GRID2: variants seen among roughly 807,000 people sequenced by gnomAD.
GRID2 encodes glutamate ionotropic receptor delta type subunit 2, also known as glutamate receptor ionotropic, delta-2.
In GRID2, 33 loss-of-function variants were observed where a neutral mutation model predicts 114.8. The observed-to-expected ratio is 0.29, with a 90% CI of 0.22 to 0.38. The LOEUF (loss-of-function observed/expected upper bound fraction) is 0.38, where lower values mean the gene tolerates loss of function less well. Ranked by LOEUF, GRID2 falls within the 10% of genes least tolerant of loss-of-function variation. The pLI is 1.00. For missense variants in GRID2, 1,184 were observed against 1,257.7 expected, an observed-to-expected ratio of 0.94 and a Z score of 0.89; for synonymous variants, 505 against 449.9, an observed-to-expected ratio of 1.12 and a Z score of -1.55.
chr4:92,821,570 A>G (rs1741281783), intron 2 of GRID2, among the ~76,000 whole-genome samples: 1 of 152,146 alleles, frequency 6.6e-6, no homozygotes, highest in Non-Finnish European at 1.5e-5. Flanking sequence ...AGAAATTTAA[A>G]ATAATATTTT....
At position 92,873,732 on chromosome 4, in the gene GRID2, G is replaced by C. The variant is rs972619664; in HGVS notation, c.245-211263G>C. ...TTGTTTGTTTGTTTTGTTTTGTTTT[G>C]AGATGGAATTTCGCTTTTGTTGCCC... On this transcript the variant is annotated intron_variant, in intron 2 of 15. Transcript: ENST00000282020. 2.0e-5 allele frequency among the ~76,000 whole-genome samples: 3 copies of C among 152,056 alleles called. No homozygotes were observed. In the East Asian group the frequency reaches 5.8e-4, roughly 29 times the overall value.
chr4:92,828,286 T>G (rs1741871191), intron 2 of GRID2, among the ~76,000 whole-genome samples: 1 of 152,112 alleles, frequency 6.6e-6, no homozygotes, highest in African/African-American at 2.4e-5. Context: ...GAATTCATAA[T>G]GACTTTATTG....
At chr4:92,677,306 T>TA in intron 2 of GRID2, among the ~76,000 whole-genome samples, 1 of 152,022 alleles carries the variant, frequency 6.6e-6, no homozygotes, top group South Asian at 2.1e-4. Context: ...AAAAAGAGAT[T>TA]AAAAAATAAT....
intron 8 of GRID2, among the ~76,000 whole-genome samples, chr4:93,388,280 T>C (rs1350937803): frequency 6.6e-6 from 1 of 152,166 alleles, no homozygotes; most frequent in African/African-American, 2.4e-5. Context: ...GAAAACTGTA[T>C]ATTCAAAACC....
intron 2 of GRID2, among the ~76,000 whole-genome samples, chr4:92,670,575 A>G (rs1205040036): frequency 6.6e-6 from 1 of 152,104 alleles, no homozygotes; most frequent in Non-Finnish European, 1.5e-5. Flanking sequence ...ATTAATACAT[A>G]TAGAGTAAGA....
At chr4:93,407,859 C>T (rs998440394) in intron 9 of GRID2, among the ~76,000 whole-genome samples, 20 of 150,966 alleles carry the variant, frequency 1.3e-4, no homozygotes, top group Non-Finnish European at 3.0e-4. Context: ...CCTCCTGCTT[C>T]TCCTTCTCCT....
chr4:93,659,472 A>G, intron 14 of GRID2, among the ~76,000 whole-genome samples: 1 of 152,338 alleles, frequency 6.6e-6, no homozygotes, highest in Non-Finnish European at 1.5e-5. Flanking sequence ...TAACTTAAAA[A>G]AATGTGTTAA....
intron 1 of GRID2, among the ~76,000 whole-genome samples, chr4:92,475,883 CTTAG>C (rs1283993385): frequency 2.0e-5 from 3 of 151,806 alleles, no homozygotes; most frequent in Admixed American, 1.3e-4. Flanking sequence ...CTTTTACCTC[CTTAG>C]TTAAACATAT....
chr4:93,493,104 G>T (rs1326200397), intron 12 of GRID2, among the ~76,000 whole-genome samples: 1 of 151,768 alleles, frequency 6.6e-6, no homozygotes, highest in Non-Finnish European at 1.5e-5. Flanking sequence ...CAATAAAATT[G>T]AGTATTTTAT....
intron 8 of GRID2, among the ~76,000 whole-genome samples, chr4:93,254,873 G>A (rs1461778735): frequency 6.6e-6 from 1 of 152,066 alleles, no homozygotes; most frequent in Non-Finnish European, 1.5e-5. Context: ...TGCAGGGGTT[G>A]GGTTGTCATT....
rs531493617 is a variant in GRID2 at position 93,809,465 on chromosome 4, A to C, written c.*2592A>C. 4 of 152,334 alleles carry C rather than the reference A, an allele frequency of 2.6e-5. No homozygotes were observed. In the South Asian group the frequency reaches 8.3e-4, roughly 32 times the overall value. The allele number at this position is 152,334 out of a possible 1,614,324, so 9.4% of individuals were successfully genotyped here. On this transcript the variant is annotated 3_prime_UTR_variant, in exon 2 of 2. Coordinates refer to the GRID2 transcript ENST00000637838. ...GCCGTATTAGCATGTATCTCCAGGAATAACATAAAGTTTCTATAAAAGTTC... is the reference window on the plus strand; with the variant it reads ...GCCGTATTAGCATGTATCTCCAGGACTAACATAAAGTTTCTATAAAAGTTC...
chr4:93,130,386 A>C (rs1303451093), intron 4 of GRID2, among the ~76,000 whole-genome samples: 2 of 152,284 alleles, frequency 1.3e-5, no homozygotes, highest in South Asian at 2.1e-4. Context: ...GGCTGCAGTG[A>C]GCCATGTTCG....
At chr4:92,841,071 G>C (rs1304453163) in intron 2 of GRID2, among the ~76,000 whole-genome samples, 1 of 151,952 alleles carries the variant, frequency 6.6e-6, no homozygotes, top group Non-Finnish European at 1.5e-5. Context: ...TGGTTTATGT[G>C]AGTTGACTCA....
intron 1 of GRID2, among the ~76,000 whole-genome samples, chr4:92,510,182 T>C (rs1724175713): frequency 6.6e-6 from 1 of 151,898 alleles, no homozygotes; most frequent in Non-Finnish European, 1.5e-5. Context: ...TGGATATATC[T>C]TGAAGTCAGA....
chr4:93,402,013 G>T (rs1475374047), intron 9 of GRID2, among the ~76,000 whole-genome samples: 1 of 151,336 alleles, frequency 6.6e-6, no homozygotes, highest in Non-Finnish European at 1.5e-5. Flanking sequence ...ATTTAGGTTA[G>T]ATTTAGTTAT....
At chr4:92,604,189 T>C (rs187468296) in intron 2 of GRID2, among the ~76,000 whole-genome samples, 38 of 152,316 alleles carry the variant, frequency 2.5e-4, no homozygotes, top group African/African-American at 8.7e-4. Context: ...CATTACTGGG[T>C]ATATACCCAA....
intron 8 of GRID2, among the ~76,000 whole-genome samples, chr4:93,337,284 G>T (rs557008573): frequency 1.3e-5 from 2 of 152,108 alleles, no homozygotes; most frequent in South Asian, 2.1e-4. Context: ...TTAACCTTCC[G>T]CAGTTTCATA....
chr4:92,770,345 G>A (rs1373848814), intron 2 of GRID2, among the ~76,000 whole-genome samples: 1 of 152,110 alleles, frequency 6.6e-6, no homozygotes, highest in Non-Finnish European at 1.5e-5. Context: ...TCTCTAGGAA[G>A]TTCCAAACAT....
At chr4:92,423,379 A>AT (rs1731999934) in intron 1 of GRID2, among the ~76,000 whole-genome samples, 1 of 152,126 alleles carries the variant, frequency 6.6e-6, no homozygotes, top group Non-Finnish European at 1.5e-5. Context: ...GAAGTTAGAG[A>AT]TTTTGTGTTG....
Sources: allele counts gnomAD v4.1 joint callset (sites outside exome capture counted in the v4.1 genomes callset), GRCh38; gene constraint gnomAD v4.1.1; transcripts MANE v1.5; gene names NCBI Gene and HGNC (gene_info 2026-07-23, HGNC 2026-07-21).